The following ZNRF3 variants were observed in gnomAD, a reference collection of about 807,000 sequenced individuals.
The protein encoded by ZNRF3 is zinc and ring finger 3.
ZNRF3 carries 23 observed loss-of-function variants against 72.5 expected under a neutral mutation model. The ratio of observed to expected loss-of-function variants is 0.32; its 90% confidence interval spans 0.23 to 0.45. The LOEUF is 0.45. Among genes scored for constraint, ZNRF3 ranks in the 20% least tolerant of loss-of-function variants. The pLI, the probability that ZNRF3 is intolerant of heterozygous loss-of-function variation, is 1.00. For missense variants in ZNRF3, 1,169 were observed against 1,272.1 expected (o/e 0.92, Z 1.23); for synonymous variants, 610 against 545.3 (o/e 1.12, Z -1.65).
chr22:29,035,225 G>T (rs1328499002), intron 2 of ZNRF3, among the ~76,000 whole-genome samples: 1 of 152,106 alleles, frequency 6.6e-6, no homozygotes. Flanking sequence ...ATCTCCAAGG[G>T]TATGCCTGGC....
rs1054858866 is a variant in ZNRF3, at chr22:28,909,039, G to A, written c.300+24973G>A. On this transcript the variant is annotated intron_variant, in intron 1 of 8. Coordinates refer to ENST00000544604, the MANE Select transcript of ZNRF3 (RefSeq NM_001206998.2). ...GCCTCCTGAGTAGCTGGGATTACAC[G>A]TGCACGCTGCCACACCCAGCTAATT... 3.3e-5 allele frequency among the ~76,000 whole-genome samples: 5 copies of A among 152,132 alleles called. No individual in the cohort carries two copies. In the South Asian group the frequency reaches 8.3e-4, roughly 25 times the overall value.
chr22:29,029,207 A>G (rs2036701186), intron 2 of ZNRF3, among the ~76,000 whole-genome samples: 1 of 152,248 alleles, frequency 6.6e-6, no homozygotes, highest in Non-Finnish European at 1.5e-5. Context: ...CTATGTTTCA[A>G]GTTCTTATGA....
chr22:28,913,648 GTA>G (rs2034358739), intron 1 of ZNRF3, among the ~76,000 whole-genome samples: 1 of 152,158 alleles, frequency 6.6e-6, no homozygotes, highest in African/African-American at 2.4e-5. Flanking sequence ...GGGTGATGGG[GTA>G]TAGGGAGTTG....
Position 28,987,108 on chromosome 22 carries a change from C to T in ZNRF3, c.333C>T (p.Asp111=), listed in dbSNP as rs767322112. Residue 111 remains aspartate, a synonymous_variant, in exon 2 of 9, where the codon GAC becomes GAT. Transcript: ENST00000544604. ...CACTGGGCCTATGTAATAACAATGA[C>T]GAAGAGGACTTGTATGAATATGGCT... ...MHPLGLCNNN[D]EEDLYEYGWV... is the part of the protein sequence containing the mutation. 1.1e-5 allele frequency: 17 copies of T among 1,613,390 alleles called. No individual in the cohort carries two copies. Among genetic ancestry groups the T allele is most frequent in the East Asian group, 6.7e-5 (3 of 44,860 alleles).
At chr22:29,044,583 G>A (rs566901541) in intron 4 of ZNRF3, among the ~76,000 whole-genome samples, 197 bp from the exon 5 acceptor site, 237 of 152,302 alleles carry the variant, frequency 1.6e-3, no homozygotes, top group African/African-American at 4.7e-3. Flanking sequence ...GCGTCCCCCT[G>A]GGCCACACCA....
chr22:28,902,127 G>A (rs1601538787), intron 1 of ZNRF3, among the ~76,000 whole-genome samples: 1 of 151,920 alleles, frequency 6.6e-6, no homozygotes, highest in East Asian at 1.9e-4. Context: ...AGTAGAGATG[G>A]GGTTTTACCA....
chr22:28,885,725 CG>C (rs2033773425), intron 1 of ZNRF3, among the ~76,000 whole-genome samples: 1 of 151,870 alleles, frequency 6.6e-6, no homozygotes, highest in Admixed American at 6.6e-5. Flanking sequence ...GTCTGGTGAG[CG>C]AGCTATCCAT....
intron 2 of ZNRF3, chr22:29,025,839 A>C (rs2036625981): frequency 6.6e-6 from 1 of 152,168 alleles, no homozygotes; most frequent in Admixed American, 6.5e-5. Context: ...CCATTTCTTT[A>C]ACCTAGTGGA....
intron 1 of ZNRF3, among the ~76,000 whole-genome samples, chr22:28,975,553 A>T (rs1422286729): frequency 6.6e-6 from 1 of 150,864 alleles, no homozygotes. Flanking sequence ...CCTGGCCAAC[A>T]TGATGAAACC....
At chr22:28,988,721 A>G (rs1261586950) in intron 2 of ZNRF3, among the ~76,000 whole-genome samples, 1 of 152,202 alleles carries the variant, frequency 6.6e-6, no homozygotes, top group Non-Finnish European at 1.5e-5. Flanking sequence ...TCTACAGGGT[A>G]GGAACAGTGC....
chr22:29,006,504 A>C (rs1434987232), intron 2 of ZNRF3, among the ~76,000 whole-genome samples: 3 of 151,986 alleles, frequency 2.0e-5, no homozygotes, highest in African/African-American at 2.4e-5. Flanking sequence ...GAGCCACCGC[A>C]CCTGGCCCAG....
chr22:29,013,912 C>T (rs191427729), intron 2 of ZNRF3, among the ~76,000 whole-genome samples: 8 of 152,286 alleles, frequency 5.3e-5, no homozygotes, highest in South Asian at 2.1e-4. Context: ...TTAGGCTGGG[C>T]GCAATGCTCT....
intron 1 of ZNRF3, among the ~76,000 whole-genome samples, chr22:28,959,372 G>A (rs1374719952): frequency 1.3e-5 from 2 of 152,166 alleles, no homozygotes; most frequent in East Asian, 3.8e-4. Context: ...TCTAGTTCGG[G>A]TTGGAGATGA....
chr22:29,040,707 C>T (rs949628733), intron 2 of ZNRF3, among the ~76,000 whole-genome samples: 3 of 152,208 alleles, frequency 2.0e-5, no homozygotes, highest in Non-Finnish European at 4.4e-5. Flanking sequence ...AAGAAAGGGT[C>T]CCCTGCAAGA....
intron 2 of ZNRF3, chr22:29,026,647 GACCC>G (rs2123866350): frequency 6.6e-6 from 1 of 152,322 alleles, no homozygotes; most frequent in African/African-American, 2.4e-5. Context: ...CAAAGGCCTG[GACCC>G]AAAAGTCAGG....
At chr22:28,988,207 T>C (rs1009506373) in intron 2 of ZNRF3, among the ~76,000 whole-genome samples, 1 of 152,192 alleles carries the variant, frequency 6.6e-6, no homozygotes, top group Non-Finnish European at 1.5e-5. Context: ...ATAGTGGTAC[T>C]GACTGGATAT....
chr22:29,018,141 A>G lies in ZNRF3; in HGVS notation c.427-24354A>G, dbSNP rs11705426. Reference sequence around the variant, plus strand: ...CCAAAGGAGAGTCTTGAACATTATAAGGAATTGAGACTTGAATCTGAGAAG... The same window carrying G: ...CCAAAGGAGAGTCTTGAACATTATAGGGAATTGAGACTTGAATCTGAGAAG... On this transcript the variant is annotated intron_variant, in intron 2 of 8. Transcript: ENST00000544604. 946 of 484,026 alleles carry G rather than the reference A, an allele frequency of 2.0e-3. 1 individual carries two copies. The highest frequency in any genetic ancestry group is 2.9e-3 in the Non-Finnish European group (689 of 240,600). The allele number at this position is 484,026 out of a possible 1,614,324, so 30.0% of individuals were successfully genotyped here. A position where few individuals can be genotyped will look rare whatever the true frequency, so the allele number is the denominator to read the frequency against.
intron 2 of ZNRF3, among the ~76,000 whole-genome samples, chr22:29,008,487 AC>A (rs1200029505): frequency 6.6e-6 from 1 of 152,186 alleles, no homozygotes. Flanking sequence ...TCTTGAAGAG[AC>A]CAGTGAAGAG....
chr22:28,997,422 G>A (rs962657444), intron 2 of ZNRF3, among the ~76,000 whole-genome samples: 17 of 151,986 alleles, frequency 1.1e-4, no homozygotes, highest in Admixed American at 7.2e-4. Context: ...GGGAGTGGGG[G>A]TGCTTACTGG....
Sources: gnomAD v4.1 joint callset for allele counts (sites outside exome capture counted in the v4.1 genomes callset) on GRCh38, gnomAD v4.1.1 for gene constraint, MANE v1.5 for transcripts, NCBI Gene and HGNC (gene_info 2026-07-23, HGNC 2026-07-21) for gene names.